The following SASH1 variants were observed in gnomAD, a reference collection of about 807,000 sequenced individuals.
The protein encoded by SASH1 is SAM and SH3 domain-containing protein 1.
SASH1 carries 44 observed loss-of-function variants against 125.2 expected under a neutral mutation model. That is an observed-to-expected ratio of 0.35 (90% confidence interval 0.28 to 0.45). SASH1 has a LOEUF of 0.45. Ranked by LOEUF, SASH1 falls within the 20% of genes least tolerant of loss-of-function variation. The pLI, the probability that SASH1 is intolerant of heterozygous loss-of-function variation, is 1.00. For missense variants in SASH1, 1,426 were observed against 1,614.5 expected (o/e 0.88, Z 2.00); for synonymous variants, 639 against 649.1 (o/e 0.98, Z 0.24).
chr6:148,442,767 C>A (rs1041089508), intron 4 of SASH1, among the ~76,000 whole-genome samples: 10 of 151,626 alleles, frequency 6.6e-5, no homozygotes, highest in Non-Finnish European at 1.5e-4. Context: ...CTTTTCTTTT[C>A]TTTTTTATTT....
chr6:148,322,917 T>TCTTTCTTTCTTTCTTTTCTTC (rs1452245077), intron 1 of SASH1, among the ~76,000 whole-genome samples: 1 of 126,032 alleles, frequency 7.9e-6, no homozygotes, highest in South Asian at 2.6e-4. Flanking sequence ...TTTCTTTCTT[T>TCTTTCTTTCTTTCTTTTCTTC]TTTCTTTCTC....
At chr6:148,199,220 A>C in the SASH1 span, among the ~76,000 whole-genome samples, 34 of 152,258 alleles carry the variant, frequency 2.2e-4, no homozygotes, top group African/African-American at 7.7e-4. Flanking sequence ...TGTCTCTACT[A>C]AAAATACAAA....
At chr6:148,283,499 C>A (rs1281708650) in intron 1 of SASH1, 1 of 152,304 alleles carries the variant, frequency 6.6e-6, no homozygotes, top group African/African-American at 2.4e-5. Flanking sequence ...CGGCTGGGCG[C>A]GGTGGGTCAC....
chr6:148,308,461 C>T (rs1278843690), intron 1 of SASH1, among the ~76,000 whole-genome samples: 1 of 150,424 alleles, frequency 6.6e-6, no homozygotes, highest in African/African-American at 2.4e-5. Context: ...AATGGCGCTG[C>T]CTTGGCTCAC....
intron 1 of SASH1, among the ~76,000 whole-genome samples, chr6:148,331,400 G>A (rs1414828913): frequency 1.3e-5 from 2 of 152,120 alleles, no homozygotes; most frequent in Admixed American, 1.3e-4. Flanking sequence ...CACGGTCTTG[G>A]CTCACTGCAA....
chr6:148,512,029 A>ATTT (rs1473794919), intron 8 of SASH1, among the ~76,000 whole-genome samples: 1 of 145,434 alleles, frequency 6.9e-6, no homozygotes, highest in African/African-American at 2.5e-5. Flanking sequence ...TTATTTATTT[A>ATTT]TTTTTTTGAG....
intron 1 of SASH1, among the ~76,000 whole-genome samples, chr6:148,387,636 C>CCTTCCTTCCT (rs1562371376): frequency 5.3e-5 from 2 of 37,914 alleles, no homozygotes; most frequent in Admixed American, 6.7e-4. Context: ...TTCTTTCTTT[C>CCTTCCTTCCT]TTTCTTTCTT....
intron 4 of SASH1, among the ~76,000 whole-genome samples, chr6:148,467,286 G>A (rs1335376048): frequency 6.6e-6 from 1 of 151,824 alleles, no homozygotes; most frequent in Non-Finnish European, 1.5e-5. Context: ...TAGTAGAGAC[G>A]GAGCTTTGCC....
intron 1 of SASH1, among the ~76,000 whole-genome samples, chr6:148,295,672 G>A (rs537011402): frequency 2.5e-4 from 38 of 152,306 alleles, no homozygotes; most frequent in Non-Finnish European, 4.6e-4. Flanking sequence ...AGCTGATGGC[G>A]GCGTATGGCA....
chr6:148,542,623 G>T (rs192364167), intron 17 of SASH1, among the ~76,000 whole-genome samples: 2 of 152,132 alleles, frequency 1.3e-5, no homozygotes, highest in African/African-American at 4.8e-5. Context: ...TCCTGACCTC[G>T]TGATCCACCT....
At chr6:148,235,195 A>T in the SASH1 span, among the ~76,000 whole-genome samples, 4 of 152,326 alleles carry the variant, frequency 2.6e-5, no homozygotes, top group East Asian at 3.9e-4. Context: ...AAGTGTTAAA[A>T]GACAATTGGT....
intron 4 of SASH1, among the ~76,000 whole-genome samples, chr6:148,441,158 C>T (rs528650509): frequency 6.0e-4 from 91 of 152,336 alleles, no homozygotes; most frequent in African/African-American, 2.1e-3. Context: ...ACAGACGCTT[C>T]CTTTGGCACG....
intron 4 of SASH1, among the ~76,000 whole-genome samples, chr6:148,466,129 T>C (rs1168835476): frequency 6.6e-6 from 1 of 152,196 alleles, no homozygotes; most frequent in African/African-American, 2.4e-5. Flanking sequence ...GTCCTAGCCA[T>C]GTTTTGGCAC....
chr6:148,476,966 A>G (rs1583221641), intron 7 of SASH1, among the ~76,000 whole-genome samples: 2 of 152,222 alleles, frequency 1.3e-5, no homozygotes, highest in Admixed American at 1.3e-4. Flanking sequence ...CAATGGGGAA[A>G]GAACAATCTC....
At chr6:148,319,937 G>A (rs930076037) in intron 1 of SASH1, among the ~76,000 whole-genome samples, 1 of 152,210 alleles carries the variant, frequency 6.6e-6, no homozygotes, top group African/African-American at 2.4e-5. Context: ...GGTCTACACA[G>A]TAGTTGTTTA....
At chr6:148,289,959 C>T (rs1448710452) in intron 1 of SASH1, among the ~76,000 whole-genome samples, 1 of 149,922 alleles carries the variant, frequency 6.7e-6, no homozygotes, top group African/African-American at 2.5e-5. Flanking sequence ...CCTCTGCCTC[C>T]CAGGTTCAAG....
Position 148,519,922 on chromosome 6 carries a change from A to ATACGG in SASH1, c.1209+29_1209+30insTACGG. 1 of 1,472,968 alleles carries ATACGG rather than the reference A, an allele frequency of 6.8e-7. No individual in the cohort carries two copies. The highest frequency in any genetic ancestry group is 9.1e-7 in the Non-Finnish European group (1 of 1,095,666). 91.2% of individuals were successfully genotyped at this position (1,472,968 alleles called of 1,614,324 possible). A position where few individuals can be genotyped will look rare whatever the true frequency, so the allele number is the denominator to read the frequency against. On this transcript the variant is annotated intron_variant, in intron 10 of 19. Coordinates refer to ENST00000367467, the MANE Select transcript of SASH1 (RefSeq NM_015278.5). The surrounding 1 kb of genome is among the most constrained non-coding windows in gnomAD (Gnocchi z 4.8). ...AGTACGGATGGTGTTTGCTTCTATG[A>ATACGG]CAACCACCGTCGCAGGCACCACCTT... is the stretch of plus-strand genomic sequence containing the variant.
At chr6:148,524,121 A>ATATATATATATATTTTT (rs1193506716) in intron 10 of SASH1, among the ~76,000 whole-genome samples, 51 of 128,584 alleles carry the variant, frequency 4.0e-4, no homozygotes, top group Admixed American at 7.9e-4. Flanking sequence ...ATATATATAT[A>ATATATATATATATTTTT]TTTTTTTTAA....
chr6:148,352,724 C>G (rs548753425), intron 1 of SASH1, among the ~76,000 whole-genome samples: 6 of 152,222 alleles, frequency 3.9e-5, no homozygotes, highest in African/African-American at 1.4e-4. Flanking sequence ...GTAATTCCAG[C>G]ACTTTGGGAG....
Sources: allele counts gnomAD v4.1 joint callset (sites outside exome capture counted in the v4.1 genomes callset), GRCh38; gene constraint gnomAD v4.1.1; non-coding constraint Gnocchi (gnomAD v3.1); transcripts MANE v1.5; gene names NCBI Gene and HGNC (gene_info 2026-07-23, HGNC 2026-07-21).